The following ADCY10 variants were observed in gnomAD, a reference collection of about 807,000 sequenced individuals.
ADCY10 encodes the protein adenylate cyclase 10, also known as adenylate cyclase type 10.
ADCY10 carries 156 observed loss-of-function variants against 183.3 expected under a neutral mutation model. The ratio of observed to expected loss-of-function variants is 0.85; its 90% CI spans 0.75 to 0.97. ADCY10 has a LOEUF of 0.97. ADCY10 is among the 50% of genes least tolerant of loss of function. The probability of loss-of-function intolerance (pLI) is 0.00; values close to 1 mark genes in which losing one functional copy is unlikely to be tolerated. For missense variants in ADCY10, 1,745 were observed against 1,934.3 expected (o/e 0.90, Z 1.84); for synonymous variants, 645 against 670.0 (o/e 0.96, Z 0.58).
At chr1:167,858,497 C>CAAAAA (rs57443879) in intron 16 of ADCY10, among the ~76,000 whole-genome samples, 19 of 70,316 alleles carry the variant, frequency 2.7e-4, no homozygotes, top group Non-Finnish European at 3.7e-4. Flanking sequence ...GACTCTGTCT[C>CAAAAA]AAAAAAAAAA....
At position 167,820,029 on chromosome 1, in the gene ADCY10, C is replaced by T. The variant is rs1571214159; in HGVS notation, c.4287-1762G>A. 4 of 1,574,612 alleles carry T rather than the reference C, an allele frequency of 2.5e-6. No individual in the cohort carries two copies. The East Asian group carries it at 9.0e-5, about 35-fold the overall frequency. On this transcript the variant is annotated intron_variant, in intron 30 of 32. Transcript: ENST00000367851. ...GGGACTTTCTTCTTTTTTCCTATGA[C>T]TCCCAGTTCTACGTTTCAAAGCCTC... is the stretch of plus-strand genomic sequence containing the variant.
chr1:167,869,640 T>C (rs1666954321), intron 14 of ADCY10, among the ~76,000 whole-genome samples: 1 of 152,162 alleles, frequency 6.6e-6, no homozygotes, highest in Admixed American at 6.5e-5. Context: ...TGGAAGGACA[T>C]TGTGAAATCT....
chr1:167,838,361 C>A (rs1664377834), intron 21 of ADCY10, among the ~76,000 whole-genome samples: 1 of 152,194 alleles, frequency 6.6e-6, no homozygotes. Context: ...CCCCCTACTT[C>A]TCTAAAACTG....
intron 3 of ADCY10, among the ~76,000 whole-genome samples, chr1:167,902,325 G>A (rs2102425404): frequency 6.6e-6 from 1 of 152,274 alleles, no homozygotes; most frequent in East Asian, 1.9e-4. Flanking sequence ...TTCTGATGAG[G>A]TCTGAAGACA....
chr1:167,902,104 T>C (rs376878012), intron 3 of ADCY10, 50 bp from the exon 4 acceptor site: 7 of 1,528,472 alleles, frequency 4.6e-6, no homozygotes, highest in Non-Finnish European at 6.3e-6. Flanking sequence ...TTAAAGGTAG[T>C]AAAAAAACAT....
At chr1:167,827,994 G>A (rs893954656) in intron 26 of ADCY10, among the ~76,000 whole-genome samples, 3 of 151,972 alleles carry the variant, frequency 2.0e-5, no homozygotes, top group Admixed American at 6.6e-5. Flanking sequence ...GATTACAGGC[G>A]TGAGCCACCA....
At chr1:167,811,503 C>T (rs1662204222) in intron 31 of ADCY10, among the ~76,000 whole-genome samples, 1 of 152,178 alleles carries the variant, frequency 6.6e-6, no homozygotes, top group Non-Finnish European at 1.5e-5. Context: ...AGGAGAATCG[C>T]TTGAACCAGG....
In ADCY10 at chr1:167,884,037, G is replaced by T. The variant is rs141989801; in HGVS notation, c.829-409C>A. ...AGATATTTTGATACAGGCATGCAAT[G>T]CGTAATAATCACATCAGGGTAAATG... On this transcript the variant is annotated intron_variant, in intron 8 of 32. Transcript: ENST00000367851. Among the ~76,000 whole-genome samples the T allele has an allele frequency of 4.1e-3, 622 of 152,308 alleles. 9 individuals carry two copies. Among genetic ancestry groups the T allele is most frequent in the African/African-American group, 0.014 (600 of 41,568 alleles).
At position 167,849,850 on chromosome 1, in the gene ADCY10, G is replaced by A. The variant is rs537633123; in HGVS notation, c.2309-1361C>T. 1.2e-3 allele frequency among the ~76,000 whole-genome samples: 178 copies of A among 152,298 alleles called. 1 individual carries two copies. Among genetic ancestry groups the A allele is most frequent in the Admixed American group, 2.0e-3 (30 of 15,296 alleles). On this transcript the variant is annotated intron_variant, in intron 18 of 32. Transcript: ENST00000367851. Reference sequence around the variant, plus strand: ...AGCGGCAAGTGGAGGAGAGGCCAACGCGAAGGCACAGGAACCTCAGAGTAC... The same window carrying A: ...AGCGGCAAGTGGAGGAGAGGCCAACACGAAGGCACAGGAACCTCAGAGTAC...
chr1:167,810,685 T>G (rs1571194252), intron 32 of ADCY10, 40 bp downstream of exon 32: 1 of 1,606,414 alleles, frequency 6.2e-7, no homozygotes, highest in Non-Finnish European at 8.5e-7. Context: ...TTTATATGGG[T>G]GAGCATCGCC....
At chr1:167,811,502 G>A (rs1348419476) in intron 31 of ADCY10, among the ~76,000 whole-genome samples, 4 of 152,178 alleles carry the variant, frequency 2.6e-5, no homozygotes, top group African/African-American at 7.2e-5. Context: ...CAGGAGAATC[G>A]CTTGAACCAG....
chr1:167,854,098 G>A (rs865963143), intron 18 of ADCY10, among the ~76,000 whole-genome samples: 1 of 151,934 alleles, frequency 6.6e-6, no homozygotes, highest in Non-Finnish European at 1.5e-5. Context: ...CTCGGGCTCC[G>A]AAAGTGCTGA....
chr1:167,864,623 G>C (rs1324374879), intron 14 of ADCY10, among the ~76,000 whole-genome samples: 2 of 151,998 alleles, frequency 1.3e-5, no homozygotes, highest in Non-Finnish European at 2.9e-5. Context: ...GAAAGTCAAA[G>C]AGAGAAAGAA....
intron 8 of ADCY10, 83 bp downstream of exon 8, chr1:167,893,770 G>GTT: frequency 2.2e-4 from 163 of 740,056 alleles, no homozygotes; most frequent in East Asian, 3.2e-4. Flanking sequence ...AGTAGCTGCT[G>GTT]TTTTTTTTTT....
At chr1:167,858,671 G>A (rs1427108705) in intron 16 of ADCY10, among the ~76,000 whole-genome samples, 1 of 152,150 alleles carries the variant, frequency 6.6e-6, no homozygotes, top group Non-Finnish European at 1.5e-5. Context: ...CATGTCTAGT[G>A]ATCTGGGGAA....
chr1:167,859,565 T>G (rs1296944665), intron 16 of ADCY10, among the ~76,000 whole-genome samples: 1 of 152,038 alleles, frequency 6.6e-6, no homozygotes, highest in African/African-American at 2.4e-5. Context: ...AAAAAATGAG[T>G]GCTGAGAGAG....
intron 1 of ADCY10, among the ~76,000 whole-genome samples, chr1:167,913,626 T>C (rs1033951489): frequency 6.6e-6 from 1 of 152,100 alleles, no homozygotes; most frequent in African/African-American, 2.4e-5. Flanking sequence ...CTTCTACATA[T>C]CTTTGTTTAC....
chr1:167,874,535 A>G (rs1020099858), intron 13 of ADCY10, among the ~76,000 whole-genome samples: 4 of 152,244 alleles, frequency 2.6e-5, no homozygotes, highest in African/African-American at 9.6e-5. Flanking sequence ...CTCAGTCAGA[A>G]TATAAATAAA....
intron 1 of ADCY10, among the ~76,000 whole-genome samples, chr1:167,908,155 G>A (rs1248276335): frequency 6.6e-6 from 1 of 152,114 alleles, no homozygotes; most frequent in Non-Finnish European, 1.5e-5. Context: ...CAACCTAATT[G>A]TTCATCAACA....
Sources: allele counts gnomAD v4.1 joint callset (sites outside exome capture counted in the v4.1 genomes callset), GRCh38; gene constraint gnomAD v4.1.1; transcripts MANE v1.5; gene names NCBI Gene and HGNC (gene_info 2026-07-23, HGNC 2026-07-21).